The following PRDM16 variants were observed in gnomAD, a reference collection of about 807,000 sequenced individuals.
The protein encoded by PRDM16 is histone-lysine N-methyltransferase PRDM16.
In PRDM16, 23 loss-of-function variants were observed where a neutral mutation model predicts 110.6. That is an observed-to-expected ratio of 0.21 (90% CI 0.15 to 0.29). PRDM16 has a LOEUF of 0.29. Among genes scored for constraint, PRDM16 ranks in the 10% least tolerant of loss-of-function variants. PRDM16 has a pLI of 1.00. For synonymous variants in PRDM16, 799 were observed against 781.8 expected (o/e 1.02, Z -0.37); for missense variants, 1,615 against 1,794.3 (o/e 0.90, Z 1.81).
At position 3,192,881 on chromosome 1, in the gene PRDM16, C is replaced by T. The variant is rs557372163; in HGVS notation, c.387+6407C>T. 1.6e-3 allele frequency among the ~76,000 whole-genome samples: 244 copies of T among 152,276 alleles called. 1 individual carries two copies. The highest frequency in any genetic ancestry group is 3.7e-3 in the South Asian group (18 of 4,810). ...CCCTGAGCCAGCAGTGCTGGCCTCCCTGCAGGTTTGTTGGAAATGAAGAAC... is the reference window on the plus strand; with the variant it reads ...CCCTGAGCCAGCAGTGCTGGCCTCCTTGCAGGTTTGTTGGAAATGAAGAAC... On this transcript the variant is annotated intron_variant, in intron 2 of 16. Coordinates refer to ENST00000270722, the MANE Select transcript of PRDM16 (RefSeq NM_022114.4).
Sources: gnomAD v4.1 joint callset for allele counts (sites outside exome capture counted in the v4.1 genomes callset) on GRCh38, gnomAD v4.1.1 for gene constraint, MANE v1.5 for transcripts, NCBI Gene and HGNC (gene_info 2026-07-23, HGNC 2026-07-21) for gene names.